ANKS1B: variants seen among roughly 807,000 people sequenced by gnomAD.
ANKS1B encodes ankyrin repeat and sterile alpha motif domain-containing protein 1B.
Under a neutral mutation model 148.3 loss-of-function variants are expected in ANKS1B, and 36 were observed. The ratio of observed to expected loss-of-function variants is 0.24; its 90% CI spans 0.19 to 0.32. The LOEUF (loss-of-function observed/expected upper bound fraction) is 0.32. Among genes scored for constraint, ANKS1B ranks in the 10% least tolerant of loss-of-function variants. The probability of loss-of-function intolerance (pLI) is 1.00; values close to 1 mark genes in which losing one functional copy is unlikely to be tolerated. For synonymous variants in ANKS1B, 542 were observed against 560.8 expected (o/e 0.97, Z 0.47); for missense variants, 1,157 against 1,542.6 (o/e 0.75, Z 4.19).
intron 8 of ANKS1B, among the ~76,000 whole-genome samples, chr12:99,718,077 G>C (rs1407519828): frequency 6.6e-6 from 1 of 151,396 alleles, no homozygotes; most frequent in Non-Finnish European, 1.5e-5. Flanking sequence ...CTAATTTTTT[G>C]TATTTTTAGT....
chr12:99,612,775 A>G (rs1282188193), intron 9 of ANKS1B, among the ~76,000 whole-genome samples: 1 of 152,160 alleles, frequency 6.6e-6, no homozygotes, highest in African/African-American at 2.4e-5. Context: ...CTGAAACATT[A>G]AAACATTATT....
At chr12:99,386,126 A>G (rs2093849680) in intron 12 of ANKS1B, 1 of 152,240 alleles carries the variant, frequency 6.6e-6, no homozygotes, top group African/African-American at 2.4e-5. Context: ...TTCAGATCCA[A>G]AAAAGCAGAT....
At chr12:99,849,713 T>C (rs188049142) in intron 1 of ANKS1B, among the ~76,000 whole-genome samples, 112 of 152,122 alleles carry the variant, frequency 7.4e-4, no homozygotes, top group African/African-American at 2.4e-3. Flanking sequence ...CTTACAAACA[T>C]AAAATTGAAC....
chr12:98,745,738 A>G lies in ANKS1B; in HGVS notation c.*1T>C, dbSNP rs1350179840. On this transcript the variant is annotated 3_prime_UTR_variant, in exon 27 of 27. Transcript: ENST00000683438. ...CCGCGAGGACAGGAGGACGGCGAGT[A>G]TCAGAAAATCGTGGTTTCATACTTG... is the stretch of plus-strand genomic sequence containing the variant. The G allele has an allele frequency of 2.4e-5, 39 of 1,613,448 alleles. No individual in the cohort carries two copies. The highest frequency in any genetic ancestry group is 3.1e-5 in the Non-Finnish European group (36 of 1,179,670).
At chr12:99,679,431 C>T (rs772746154) in intron 8 of ANKS1B, among the ~76,000 whole-genome samples, 2 of 152,138 alleles carry the variant, frequency 1.3e-5, no homozygotes, top group Non-Finnish European at 2.9e-5. Flanking sequence ...CCTCAGCCTC[C>T]CAAGTACCTC....
chr12:98,936,179 T>C (rs1423094645), intron 17 of ANKS1B, among the ~76,000 whole-genome samples: 1 of 152,006 alleles, frequency 6.6e-6, no homozygotes, highest in Non-Finnish European at 1.5e-5. Flanking sequence ...TCTTAGGGAG[T>C]AAAAATTATC....
chr12:99,175,413 A>G (rs928281951), intron 14 of ANKS1B, among the ~76,000 whole-genome samples: 1 of 152,236 alleles, frequency 6.6e-6, no homozygotes, highest in African/African-American at 2.4e-5. Context: ...TGTTTCATAT[A>G]CATCTTGTAC....
chr12:99,423,364 G>C (rs2095153406), intron 11 of ANKS1B, among the ~76,000 whole-genome samples: 1 of 152,152 alleles, frequency 6.6e-6, no homozygotes, highest in Admixed American at 6.5e-5. Flanking sequence ...GGAGAAAAAG[G>C]AACACTCATA....
chr12:99,931,255 T>G (rs2094606825), intron 1 of ANKS1B, among the ~76,000 whole-genome samples: 1 of 152,104 alleles, frequency 6.6e-6, no homozygotes, highest in Non-Finnish European at 1.5e-5. Context: ...GATGAGTTAA[T>G]GGTTGCAGCA....
chr12:99,970,865 A>G (rs1387078), intron 1 of ANKS1B, among the ~76,000 whole-genome samples: 96,616 of 151,920 alleles, frequency 0.64, 32,437 homozygotes, highest in African/African-American at 0.79. Flanking sequence ...CTACAGCATT[A>G]TTTGGTATTT....
intron 17 of ANKS1B, among the ~76,000 whole-genome samples, chr12:98,913,220 C>T (rs1329194532): frequency 6.6e-6 from 1 of 152,176 alleles, no homozygotes; most frequent in Non-Finnish European, 1.5e-5. Flanking sequence ...TTCTCCCACC[C>T]TCTACTGATG....
intron 12 of ANKS1B, among the ~76,000 whole-genome samples, chr12:99,386,878 T>C (rs192404276): frequency 2.0e-5 from 3 of 152,272 alleles, no homozygotes; most frequent in Non-Finnish European, 4.4e-5. Flanking sequence ...CAGAAAAAAC[T>C]ACAGAGCTCA....
At chr12:99,462,762 A>C (rs1221739423) in intron 10 of ANKS1B, among the ~76,000 whole-genome samples, 3 of 152,182 alleles carry the variant, frequency 2.0e-5, no homozygotes, top group Non-Finnish European at 4.4e-5. Flanking sequence ...AGGTGTTTGC[A>C]TTATGGGAAT....
chr12:99,511,006 A>C (rs2096760072), intron 9 of ANKS1B, among the ~76,000 whole-genome samples: 1 of 151,722 alleles, frequency 6.6e-6, no homozygotes, highest in Admixed American at 6.6e-5. Flanking sequence ...CTATTTGAAT[A>C]CCCCTTATTT....
chr12:99,401,960 G>A (rs1015761757), intron 11 of ANKS1B, among the ~76,000 whole-genome samples: 1 of 146,466 alleles, frequency 6.8e-6, no homozygotes. Flanking sequence ...GTCTATGACT[G>A]CCCTCGTACT....
intron 15 of ANKS1B, among the ~76,000 whole-genome samples, chr12:99,126,517 C>G (rs773954074): frequency 3.3e-5 from 5 of 152,072 alleles, no homozygotes; most frequent in Non-Finnish European, 5.9e-5. Context: ...CCACCTTACC[C>G]TGCTCTGAAT....
intron 19 of ANKS1B, among the ~76,000 whole-genome samples, chr12:98,814,691 C>T (rs758642464): frequency 6.6e-6 from 1 of 152,162 alleles, no homozygotes; most frequent in Non-Finnish European, 1.5e-5. Context: ...ATTTCATTTG[C>T]CTATTTTCTC....
At chr12:99,694,071 G>A (rs2053536324) in intron 8 of ANKS1B, among the ~76,000 whole-genome samples, 1 of 149,814 alleles carries the variant, frequency 6.7e-6, no homozygotes. Flanking sequence ...GAGCCACCAT[G>A]CCCAGCCCTT....
chr12:99,519,073 GC>G (rs2096850259), intron 9 of ANKS1B, among the ~76,000 whole-genome samples: 1 of 151,682 alleles, frequency 6.6e-6, no homozygotes, highest in Non-Finnish European at 1.5e-5. Flanking sequence ...TTCCATTTTG[GC>G]CAGAGAAAAT....
Sources: gnomAD v4.1 joint callset for allele counts (sites outside exome capture counted in the v4.1 genomes callset) on GRCh38, gnomAD v4.1.1 for gene constraint, MANE v1.5 for transcripts, NCBI Gene and HGNC (gene_info 2026-07-23, HGNC 2026-07-21) for gene names.